TMEM117: variants seen among roughly 807,000 people sequenced by gnomAD.
The protein encoded by TMEM117 is transmembrane protein 117.
In TMEM117, 27 loss-of-function variants were observed where a neutral mutation model predicts 52.4. The ratio of observed to expected loss-of-function variants is 0.51; its 90% CI spans 0.38 to 0.71. The LOEUF is 0.71. TMEM117 is among the 30% of genes least tolerant of loss of function. The pLI is 0.00. For missense variants in TMEM117, 556 were observed against 630.5 expected (o/e 0.88, Z 1.26); for synonymous variants, 215 against 206.3 (o/e 1.04, Z -0.36).
intron 5 of TMEM117, among the ~76,000 whole-genome samples, chr12:44,240,334 T>C (rs1174169438): frequency 6.6e-6 from 1 of 152,158 alleles, no homozygotes; most frequent in Non-Finnish European, 1.5e-5. Flanking sequence ...TTTCTCCTTT[T>C]AAGGCCATTT....
At chr12:43,865,946 T>C (rs2137412896) in intron 2 of TMEM117, among the ~76,000 whole-genome samples, 1 of 151,952 alleles carries the variant, frequency 6.6e-6, no homozygotes. Context: ...AATTAAAGTT[T>C]ATTGTACATA....
intron 2 of TMEM117, among the ~76,000 whole-genome samples, chr12:43,915,488 C>G (rs1944585941): frequency 6.6e-6 from 1 of 152,166 alleles, no homozygotes; most frequent in Non-Finnish European, 1.5e-5. Flanking sequence ...TCCTTAATTT[C>G]AAATATCAGT....
intron 5 of TMEM117, among the ~76,000 whole-genome samples, chr12:44,224,579 A>C (rs913506099): frequency 2.7e-4 from 41 of 152,028 alleles, no homozygotes; most frequent in African/African-American, 8.9e-4. Context: ...ATATAAAAGG[A>C]AATTACCTTT....
At chr12:43,991,709 TGAGA>T (rs562843291) in intron 3 of TMEM117, among the ~76,000 whole-genome samples, 48 of 149,814 alleles carry the variant, frequency 3.2e-4, no homozygotes, top group Non-Finnish European at 4.6e-4. Context: ...ACGGACAAAA[TGAGA>T]GAGAGAGAGA....
At chr12:44,157,280 T>C (rs956703569) in intron 4 of TMEM117, among the ~76,000 whole-genome samples, 1 of 152,114 alleles carries the variant, frequency 6.6e-6, no homozygotes, top group Non-Finnish European at 1.5e-5. Flanking sequence ...GCTCAGGGGG[T>C]GGCTTATTTT....
At chr12:43,804,563 T>A in the TMEM117 span, 3 of 1,597,916 alleles carry the variant, frequency 1.9e-6, no homozygotes, top group South Asian at 2.3e-5. Flanking sequence ...CTCTTTAACA[T>A]CTTCACTTGC....
chr12:44,008,828 A>G, intron 3 of TMEM117: 1 of 441,738 alleles, frequency 2.3e-6, no homozygotes, highest in Non-Finnish European at 4.5e-6. Flanking sequence ...TCCCATATGA[A>G]TTATTTGGTA....
intron 6 of TMEM117, among the ~76,000 whole-genome samples, chr12:44,342,861 T>A (rs550251033): frequency 1.3e-5 from 2 of 151,980 alleles, no homozygotes; most frequent in African/African-American, 2.4e-5. Flanking sequence ...AAAAAGAGAA[T>A]GGTTTGTTTT....
chr12:43,925,183 A>G (rs922724806), intron 2 of TMEM117, among the ~76,000 whole-genome samples: 12 of 152,018 alleles, frequency 7.9e-5, no homozygotes, highest in Admixed American at 7.9e-4. Flanking sequence ...TGTCATTTCA[A>G]CCATATTCTG....
intron 3 of TMEM117, among the ~76,000 whole-genome samples, chr12:44,081,230 CTGATT>C (rs1336284345): frequency 1.3e-5 from 2 of 152,070 alleles, no homozygotes; most frequent in Admixed American, 6.5e-5. Context: ...ACTTTTTCTT[CTGATT>C]TAAGTTCTGT....
At chr12:43,934,869 T>C (rs1944925265) in intron 2 of TMEM117, among the ~76,000 whole-genome samples, 1 of 152,230 alleles carries the variant, frequency 6.6e-6, no homozygotes, top group African/African-American at 2.4e-5. Context: ...ATTTATTATA[T>C]AAAGCCGTGT....
chr12:44,052,733 C>A (rs372538693), intron 3 of TMEM117, among the ~76,000 whole-genome samples: 17 of 152,136 alleles, frequency 1.1e-4, no homozygotes, highest in South Asian at 4.1e-4. Flanking sequence ...GCCCTTTGCC[C>A]CACACATTGT....
At chr12:44,337,267 A>G (rs1951354101) in intron 6 of TMEM117, among the ~76,000 whole-genome samples, 1 of 152,030 alleles carries the variant, frequency 6.6e-6, no homozygotes, top group Admixed American at 6.6e-5. Flanking sequence ...AGAGAGCAAG[A>G]AGGCTGTATC....
chr12:44,292,311 C>T (rs1336849415), intron 5 of TMEM117, among the ~76,000 whole-genome samples: 1 of 151,634 alleles, frequency 6.6e-6, no homozygotes, highest in Non-Finnish European at 1.5e-5. Flanking sequence ...AATGTCTTCC[C>T]TTTTATTTAT....
At chr12:44,057,501 C>G (rs1947074447) in intron 3 of TMEM117, among the ~76,000 whole-genome samples, 1 of 152,006 alleles carries the variant, frequency 6.6e-6, no homozygotes, top group South Asian at 2.1e-4. Flanking sequence ...AAAGGTTTGT[C>G]TCTCTGAGTT....
intron 4 of TMEM117, among the ~76,000 whole-genome samples, chr12:44,154,054 C>T (rs1948791841): frequency 6.6e-6 from 1 of 151,914 alleles, no homozygotes; most frequent in Non-Finnish European, 1.5e-5. Context: ...CCTTGGCTGA[C>T]AAAATATGTT....
the TMEM117 span, among the ~76,000 whole-genome samples, chr12:43,803,365 T>A: frequency 6.6e-6 from 1 of 152,056 alleles, no homozygotes; most frequent in Non-Finnish European, 1.5e-5. Flanking sequence ...AGCAAAATTG[T>A]TTAAAGGGGA....
chr12:44,192,014 G>C (rs2138345156), intron 4 of TMEM117, among the ~76,000 whole-genome samples: 1 of 152,266 alleles, frequency 6.6e-6, no homozygotes, highest in South Asian at 2.1e-4. Flanking sequence ...ACCAGAGTCA[G>C]CTTTAAGCAT....
intron 3 of TMEM117, among the ~76,000 whole-genome samples, chr12:44,087,885 A>T (rs566079066): frequency 6.6e-6 from 1 of 152,348 alleles, no homozygotes; most frequent in African/African-American, 2.4e-5. Flanking sequence ...ATTTGTTTAT[A>T]AAGTACAAAA....
Sources: allele counts gnomAD v4.1 joint callset (sites outside exome capture counted in the v4.1 genomes callset), GRCh38; gene constraint gnomAD v4.1.1; transcripts MANE v1.5; gene names NCBI Gene and HGNC (gene_info 2026-07-23, HGNC 2026-07-21).